Variants in DCC observed in about 807,000 individuals in gnomAD.
DCC encodes the protein netrin receptor DCC.
Under a neutral mutation model 172.5 loss-of-function variants are expected in DCC, and 58 were observed. The observed-to-expected ratio is 0.34, with a 90% CI of 0.27 to 0.42. DCC has a LOEUF of 0.42. Ranked by LOEUF, DCC falls within the 10% of genes least tolerant of loss-of-function variation. DCC has a pLI of 1.00. For missense variants in DCC, 1,740 were observed against 1,791.0 expected, an observed-to-expected ratio of 0.97 and a Z score of 0.51; for synonymous variants, 709 against 644.5, an observed-to-expected ratio of 1.10 and a Z score of -1.52.
chr18:52,609,724 GA>G (rs35906685), intron 1 of DCC, among the ~76,000 whole-genome samples: 152 of 145,996 alleles, frequency 1.0e-3, no homozygotes, highest in Middle Eastern at 3.6e-3. Flanking sequence ...ACGGGGACCT[GA>G]AAAAAAAAAA....
At chr18:53,097,905 C>A (rs1022511851) in intron 7 of DCC, among the ~76,000 whole-genome samples, 1 of 152,076 alleles carries the variant, frequency 6.6e-6, no homozygotes, top group African/African-American at 2.4e-5. Context: ...CCTCACTTAA[C>A]CTTAATTACC....
intron 1 of DCC, among the ~76,000 whole-genome samples, chr18:52,388,707 C>T (rs184592203): frequency 6.6e-6 from 1 of 152,130 alleles, no homozygotes; most frequent in Non-Finnish European, 1.5e-5. Context: ...TTTTTCCTTC[C>T]AGGGCCTTCT....
chr18:53,114,581 G>T (rs1421393838), intron 7 of DCC, among the ~76,000 whole-genome samples: 11 of 151,384 alleles, frequency 7.3e-5, no homozygotes. Context: ...TTTAAATCAG[G>T]CATGTTGTGT....
chr18:52,426,748 T>C (rs1987442442), intron 1 of DCC, among the ~76,000 whole-genome samples: 2 of 151,780 alleles, frequency 1.3e-5, no homozygotes, highest in South Asian at 4.2e-4. Flanking sequence ...TTGGTCATTG[T>C]GCAATTTTAT....
chr18:52,990,242 T>TA (rs2041362853), intron 5 of DCC, among the ~76,000 whole-genome samples: 1 of 151,918 alleles, frequency 6.6e-6, no homozygotes, highest in Non-Finnish European at 1.5e-5. Flanking sequence ...AGTTAACATT[T>TA]AAAAAATAAG....
chr18:53,387,090 C>T (rs924519483), intron 16 of DCC, among the ~76,000 whole-genome samples: 27 of 152,102 alleles, frequency 1.8e-4, no homozygotes, highest in East Asian at 3.9e-4. Context: ...TAGCAAGCAT[C>T]GGAGAACGTG....
chr18:53,502,453 A>G (rs2046113619), intron 27 of DCC, among the ~76,000 whole-genome samples: 1 of 152,224 alleles, frequency 6.6e-6, no homozygotes, highest in Admixed American at 6.5e-5. Context: ...ATTCTGATAG[A>G]AAAAGAAAAT....
intron 1 of DCC, among the ~76,000 whole-genome samples, chr18:52,396,782 G>A (rs1255028870): frequency 6.6e-6 from 1 of 151,942 alleles, no homozygotes; most frequent in East Asian, 1.9e-4. Context: ...CATAACGGAT[G>A]GGTCATCTCA....
At chr18:53,010,233 C>T (rs998752580) in intron 5 of DCC, among the ~76,000 whole-genome samples, 6 of 151,834 alleles carry the variant, frequency 4.0e-5, no homozygotes, top group Admixed American at 2.0e-4. Flanking sequence ...AAGTTGATAT[C>T]ACTTTGTTTC....
At chr18:53,029,695 T>C (rs1037863830) in intron 5 of DCC, among the ~76,000 whole-genome samples, 4 of 152,132 alleles carry the variant, frequency 2.6e-5, no homozygotes, top group African/African-American at 9.7e-5. Context: ...TTGATTGAAG[T>C]AACCACAAAA....
intron 1 of DCC, among the ~76,000 whole-genome samples, chr18:52,544,426 T>C (rs530421791): frequency 8.8e-6 from 1 of 113,178 alleles, no homozygotes; most frequent in African/African-American, 3.0e-5. Context: ...AGGTAGTTTT[T>C]TTTTCTGTTT....
intron 1 of DCC, among the ~76,000 whole-genome samples, chr18:52,469,910 A>C (rs2144558143): frequency 6.6e-6 from 1 of 152,322 alleles, no homozygotes; most frequent in African/African-American, 2.4e-5. Flanking sequence ...AGATTTGAGG[A>C]GAAAGGCCTG....
At chr18:52,985,397 T>C (rs1459653867) in intron 5 of DCC, among the ~76,000 whole-genome samples, 1 of 152,184 alleles carries the variant, frequency 6.6e-6, no homozygotes, top group Non-Finnish European at 1.5e-5. Context: ...CATTGCTTTA[T>C]TGTCCTATAG....
chr18:52,787,833 T>G (rs1478941270), intron 2 of DCC, among the ~76,000 whole-genome samples: 1 of 152,146 alleles, frequency 6.6e-6, no homozygotes, highest in Non-Finnish European at 1.5e-5. Context: ...AAAAATCTTT[T>G]ATTAGCCTTT....
chr18:53,260,495 G>A (rs1403703369), intron 12 of DCC, among the ~76,000 whole-genome samples: 1 of 152,148 alleles, frequency 6.6e-6, no homozygotes, highest in East Asian at 1.9e-4. Context: ...CTGGGTATCA[G>A]CAGGAGAGGC....
chr18:52,998,343 G>A (rs2041515246), intron 5 of DCC, among the ~76,000 whole-genome samples: 1 of 151,972 alleles, frequency 6.6e-6, no homozygotes, highest in Non-Finnish European at 1.5e-5. Flanking sequence ...ACTAAGTACT[G>A]AACACAACTG....
rs376304742 is a variant in DCC at position 53,307,236 on chromosome 18, T to G, written c.2053+1517T>G. On this transcript the variant is annotated intron_variant, in intron 13 of 28. Coordinates refer to ENST00000442544, the MANE Select transcript of DCC (RefSeq NM_005215.4). ...CTCTGAGGCAGGGAATGGTTGAATC[T>G]AACGGAAAGTTTAACATTTACCATA... Among the ~76,000 whole-genome samples the G allele has an allele frequency of 9.4e-4, 143 of 152,354 alleles. 1 individual carries two copies. The highest frequency in any genetic ancestry group is 3.0e-3 in the African/African-American group (126 of 41,590).
At chr18:52,426,469 A>C (rs560482743) in intron 1 of DCC, among the ~76,000 whole-genome samples, 2 of 152,154 alleles carry the variant, frequency 1.3e-5, no homozygotes, top group South Asian at 4.1e-4. Context: ...CTGTGTGATG[A>C]CCAGTTTTAT....
intron 2 of DCC, among the ~76,000 whole-genome samples, chr18:52,881,802 T>C (rs755734271): frequency 1.3e-5 from 2 of 152,128 alleles, no homozygotes; most frequent in Non-Finnish European, 2.9e-5. Context: ...TGTGGTTCCA[T>C]ATAAATTTTA....
Sources: gnomAD v4.1 joint callset for allele counts (sites outside exome capture counted in the v4.1 genomes callset) on GRCh38, gnomAD v4.1.1 for gene constraint, MANE v1.5 for transcripts, NCBI Gene and HGNC (gene_info 2026-07-23, HGNC 2026-07-21) for gene names.